The following TRAPPC9 variants were observed in gnomAD, a reference collection of about 807,000 sequenced individuals.
TRAPPC9 encodes IKK2 binding protein.
Under a neutral mutation model 124.0 loss-of-function variants are expected in TRAPPC9, and 83 were observed. That is an observed-to-expected ratio of 0.67 (90% confidence interval 0.56 to 0.80). TRAPPC9 has a LOEUF of 0.80. Among genes scored for constraint, TRAPPC9 ranks in the 30% least tolerant of loss-of-function variants. The pLI is 0.00. For missense variants in TRAPPC9, 1,302 were observed against 1,508.3 expected (o/e 0.86, Z 2.27); for synonymous variants, 638 against 617.5 (o/e 1.03, Z -0.49).
At chr8:140,445,390 G>C (rs13262107) in intron 2 of TRAPPC9, among the ~76,000 whole-genome samples, 62,255 of 152,076 alleles carry the variant, frequency 0.41, 13,433 homozygotes, top group South Asian at 0.48. Context: ...TAGGAAAGGC[G>C]CTTGTCTCTC....
chr8:140,445,185 T>G (rs1201156646), intron 2 of TRAPPC9, among the ~76,000 whole-genome samples: 2 of 152,200 alleles, frequency 1.3e-5, no homozygotes, highest in Non-Finnish European at 2.9e-5. Context: ...CACCGGCTAC[T>G]CTGTTCGAGT....
chr8:139,857,141 G>A (rs1457683234), intron 21 of TRAPPC9, among the ~76,000 whole-genome samples: 1 of 152,180 alleles, frequency 6.6e-6, no homozygotes, highest in East Asian at 1.9e-4. Flanking sequence ...AGGGGAGTGT[G>A]AGAGTCCATG....
In TRAPPC9 at chr8:139,820,677, G is replaced by C. The variant is rs147077232; in HGVS notation, c.3055+65202C>G. Among the ~76,000 whole-genome samples the C allele has an allele frequency of 3.6e-3, 546 of 152,222 alleles. 4 individuals are homozygous for C. Among genetic ancestry groups the C allele is most frequent in the African/African-American group, 0.012 (498 of 41,534 alleles). On this transcript the variant is annotated intron_variant, in intron 21 of 22. Transcript: ENST00000438773. Reference sequence around the variant, plus strand: ...TTAAAACATATCTTAAAGCCATTACGACAAAAGGGCATGGCATTAGCACAG... The same window carrying C: ...TTAAAACATATCTTAAAGCCATTACCACAAAAGGGCATGGCATTAGCACAG...
At chr8:140,081,407 A>G (rs113841442) in intron 17 of TRAPPC9, among the ~76,000 whole-genome samples, 529 of 143,346 alleles carry the variant, frequency 3.7e-3, no homozygotes, top group Non-Finnish European at 5.1e-3. Context: ...GTGCAGTGGC[A>G]CAGTCTCAGC....
chr8:139,992,200 G>C (rs1837692818), intron 18 of TRAPPC9, among the ~76,000 whole-genome samples: 1 of 151,986 alleles, frequency 6.6e-6, no homozygotes, highest in Non-Finnish European at 1.5e-5. Flanking sequence ...CACAACACAG[G>C]TAGAAATAAA....
chr8:139,740,351 C>T (rs1818470288), intron 21 of TRAPPC9, among the ~76,000 whole-genome samples: 1 of 152,248 alleles, frequency 6.6e-6, no homozygotes, highest in Non-Finnish European at 1.5e-5. Flanking sequence ...TAAGTAAAGG[C>T]TGTGCCCGCC....
intron 4 of TRAPPC9, among the ~76,000 whole-genome samples, chr8:140,434,239 A>G (rs1428041231): frequency 1.3e-5 from 2 of 152,158 alleles, no homozygotes; most frequent in East Asian, 3.8e-4. Context: ...CCCTGCTTTC[A>G]TTATTTTGTT....
At chr8:139,973,852 C>T (rs1049428616) in intron 19 of TRAPPC9, among the ~76,000 whole-genome samples, 18 of 152,136 alleles carry the variant, frequency 1.2e-4, no homozygotes, top group South Asian at 2.1e-4. Context: ...TGTTGAGACA[C>T]GCACCAGGCC....
intron 21 of TRAPPC9, among the ~76,000 whole-genome samples, chr8:139,828,128 C>T (rs958376626): frequency 2.3e-5 from 3 of 132,220 alleles, no homozygotes; most frequent in Non-Finnish European, 3.4e-5. Flanking sequence ...ATCCCAACTA[C>T]AGCAAGCTTC....
At chr8:140,362,879 T>C (rs2067999176) in intron 8 of TRAPPC9, among the ~76,000 whole-genome samples, 1 of 152,188 alleles carries the variant, frequency 6.6e-6, no homozygotes, top group East Asian at 1.9e-4. Context: ...TAGATAATGA[T>C]CCAGTTCCTA....
intron 21 of TRAPPC9, among the ~76,000 whole-genome samples, chr8:139,847,365 A>C (rs1827150265): frequency 6.6e-6 from 1 of 152,246 alleles, no homozygotes; most frequent in South Asian, 2.1e-4. Context: ...AATGCAATTA[A>C]TTCAGTCAGA....
rs1429195330 is a variant in TRAPPC9 at position 140,182,927 on chromosome 8, G to GT, written c.2556+38531dup. ...CTCTCCCTCCCAGAGCAGTTTGTCT[G>GT]TATCACTATAATCAGCTTCCTATTA... is the stretch of plus-strand genomic sequence containing the variant. On this transcript the variant is annotated intron_variant, in intron 17 of 22. Transcript: ENST00000438773. The surrounding 1 kb of genome is among the most constrained non-coding windows in gnomAD (Gnocchi z 4.0). Among the ~76,000 whole-genome samples the GT allele has an allele frequency of 6.6e-6, 1 of 151,810 alleles. No individual in the cohort carries two copies. Among genetic ancestry groups the GT allele is most frequent in the East Asian group, 1.9e-4 (1 of 5,184 alleles).
At chr8:140,415,412 G>C (rs974889924) in intron 5 of TRAPPC9, among the ~76,000 whole-genome samples, 1 of 151,474 alleles carries the variant, frequency 6.6e-6, no homozygotes, top group African/African-American at 2.4e-5. Flanking sequence ...AAAATTAGCC[G>C]GGCGTGGTGG....
chr8:140,201,563 T>C (rs1480662135), intron 17 of TRAPPC9, among the ~76,000 whole-genome samples: 1 of 152,242 alleles, frequency 6.6e-6, no homozygotes, highest in African/African-American at 2.4e-5. Flanking sequence ...GTGTATACTG[T>C]TACAAAATAT....
chr8:140,196,937 C>A (rs1329000290), intron 17 of TRAPPC9, among the ~76,000 whole-genome samples: 1 of 152,144 alleles, frequency 6.6e-6, no homozygotes, highest in Non-Finnish European at 1.5e-5. Flanking sequence ...AAAACACACA[C>A]AACGATCCAC....
chr8:140,027,129 T>C (rs1170568635), intron 17 of TRAPPC9, among the ~76,000 whole-genome samples: 1 of 152,248 alleles, frequency 6.6e-6, no homozygotes, highest in Non-Finnish European at 1.5e-5. Flanking sequence ...TTTTCATTCA[T>C]CTTTTCAAAC....
chr8:140,260,891 G>C (rs2064388784), intron 15 of TRAPPC9, among the ~76,000 whole-genome samples: 1 of 152,192 alleles, frequency 6.6e-6, no homozygotes, highest in African/African-American at 2.4e-5. Flanking sequence ...GCACACACAA[G>C]GAGAGGCTCA....
intron 17 of TRAPPC9, among the ~76,000 whole-genome samples, chr8:140,181,488 A>G (rs1373934942): frequency 6.6e-6 from 1 of 152,054 alleles, no homozygotes; most frequent in Non-Finnish European, 1.5e-5. Flanking sequence ...ATGGGGTTTC[A>G]CCATGTTGGC....
At chr8:140,319,854 G>T (rs561457574) in intron 9 of TRAPPC9, among the ~76,000 whole-genome samples, 2 of 152,256 alleles carry the variant, frequency 1.3e-5, no homozygotes, top group South Asian at 2.1e-4. Flanking sequence ...CAAAACTTTG[G>T]ATCAGAAATG....
Sources: allele counts gnomAD v4.1 joint callset (sites outside exome capture counted in the v4.1 genomes callset), GRCh38; gene constraint gnomAD v4.1.1; non-coding constraint Gnocchi (gnomAD v3.1); transcripts MANE v1.5; gene names NCBI Gene and HGNC (gene_info 2026-07-23, HGNC 2026-07-21).